KRT40: variants seen among roughly 807,000 people sequenced by gnomAD.
The protein encoded by KRT40 is keratin, type I cytoskeletal 40.
KRT40 carries 47 observed loss-of-function variants against 43.5 expected under a neutral mutation model. The observed-to-expected ratio is 1.08, with a 90% confidence interval of 0.86 to 1.38. The LOEUF (loss-of-function observed/expected upper bound fraction) is 1.38. KRT40 is among the 40% of genes most tolerant of loss of function. The probability of loss-of-function intolerance (pLI) is 0.00; values close to 1 mark genes in which losing one functional copy is unlikely to be tolerated. For synonymous variants in KRT40, 212 were observed against 214.0 expected (o/e 0.99, Z 0.08); for missense variants, 573 against 523.6 (o/e 1.09, Z -0.92).
upstream of KRT40, among the ~76,000 whole-genome samples, chr17:40,984,650 G>A (rs1308900753): frequency 2.0e-5 from 3 of 152,250 alleles, no homozygotes; most frequent in African/African-American, 7.2e-5. Context: ...TTACAAATCA[G>A]GAAAATAATA....
chr17:40,980,699 T>C, intron 5 of KRT40, 86 bp downstream of exon 5: 1 of 1,479,382 alleles, frequency 6.8e-7, no homozygotes, highest in Non-Finnish European at 9.0e-7. Flanking sequence ...GGCAAGGAAA[T>C]GTGATCCTCG....
chr17:40,983,068 C>T lies in KRT40; in HGVS notation c.508G>A (p.Ala170Thr). 1 of 1,448,038 alleles carries T rather than the reference C, an allele frequency of 6.9e-7. No homozygotes were observed. The allele number at this position is 1,448,038 out of a possible 1,614,324, so 89.7% of individuals were successfully genotyped here. ...TACTTTGACTTAAAGTCATCAGTGG[C>T]CAGTTTGCAGTTGTCAAGCTGTACA... ...LAVQLDNCKLATDDFKSKYES... is the reference protein window; with the variant it reads ...LAVQLDNCKLTTDDFKSKYES... Residue 170 changes from alanine (A) to threonine (T), a missense_variant, in exon 2 of 7, where the codon GCC becomes ACC. Ala to Thr is a moderately conservative substitution (Grantham distance 58, BLOSUM62 0). Transcript: ENST00000377755.
chr17:40,980,683 G>T, intron 5 of KRT40, 102 bp downstream of exon 5: 4 of 1,442,838 alleles, frequency 2.8e-6, no homozygotes. Context: ...GGCAGTACTC[G>T]GGAAAGGCAA....
At chr17:40,981,428 A>C in intron 3 of KRT40, 1 of 621,910 alleles carries the variant, frequency 1.6e-6, no homozygotes, top group Non-Finnish European at 2.9e-6. Flanking sequence ...ATTATGACAC[A>C]TAGTAAGGTG....
chr17:40,982,906 G>T (rs1912260575), intron 2 of KRT40, 140 bp downstream of exon 2: 3 of 493,468 alleles, frequency 6.1e-6, no homozygotes, highest in Non-Finnish European at 1.1e-5. Flanking sequence ...TACTCAGGAG[G>T]CTGAGGCAGG....
In KRT40 at chr17:40,983,884, T is replaced by C. The variant is rs1382566315; in HGVS notation, c.390A>G (p.Pro130=). 1.2e-6 allele frequency: 2 copies of C among 1,614,118 alleles called. No individual in the cohort carries two copies. Among genetic ancestry groups the C allele is most frequent in the Admixed American group, 1.7e-5 (1 of 60,018 alleles). ...RIQEQCEQDI[P]MVCPDYQRYF... ...AACGCTGATAATCCGGGCACACCATTGGGATATCCTGTTCACATTGTTCTT... is the reference window on the plus strand; with the variant it reads ...AACGCTGATAATCCGGGCACACCATCGGGATATCCTGTTCACATTGTTCTT... Residue 130 remains proline, a synonymous_variant, in exon 1 of 7, where the codon CCA becomes CCG. Transcript: ENST00000377755.
At chr17:40,983,551 G>A (rs186076223) in intron 1 of KRT40, among the ~76,000 whole-genome samples, 146 of 152,250 alleles carry the variant, frequency 9.6e-4, no homozygotes, top group African/African-American at 3.1e-3. Flanking sequence ...GTACAAAAGC[G>A]ATTTTGGATA....
At position 40,983,827 on chromosome 17, in the gene KRT40, C is replaced by A. The variant is rs764000688; in HGVS notation, c.447G>T (p.Lys149Asn). The change falls in exon 1 of 7, where the codon AAG (lysine) becomes AAT (asparagine). Residue 149 changes from lysine (K) to asparagine (N), a missense_variant and splice_region_variant. Coordinates refer to ENST00000377755, the MANE Select transcript of KRT40 (RefSeq NM_001389244.1). ...AGCACTAGGGCAACAGGACACAGAC[C>A]TTTTGTTGGAGATCTTCAATGGTGT... ...YFNTIEDLQQKILCTKAENSR... is the reference protein window; with the variant it reads ...YFNTIEDLQQNILCTKAENSR... The A allele has an allele frequency of 1.2e-6, 2 of 1,612,730 alleles. No homozygotes were observed. The highest frequency in any genetic ancestry group is 1.7e-6 in the Non-Finnish European group (2 of 1,178,868).
At position 40,978,092 on chromosome 17, in the gene KRT40, G is replaced by C; in HGVS notation, c.*105C>G. 1 of 790,348 alleles carries C rather than the reference G, an allele frequency of 1.3e-6. No homozygotes were observed. Among genetic ancestry groups the C allele is most frequent in the Non-Finnish European group, 2.2e-6 (1 of 460,200 alleles). 49.0% of individuals were successfully genotyped at this position (790,348 alleles called of 1,614,324 possible). A position where few individuals can be genotyped will look rare whatever the true frequency, so the allele number is the denominator to read the frequency against. ...CCTGGAGGGCAATTCCAGGATATGA[G>C]AGCCTCCTGGATTTGTGCTTCCGGT... On this transcript the variant is annotated 3_prime_UTR_variant, in exon 7 of 7. Transcript: ENST00000377755.
chr17:40,978,730 T>G, intron 6 of KRT40, 74 bp downstream of exon 6: 1 of 1,353,062 alleles, frequency 7.4e-7, no homozygotes, highest in Non-Finnish European at 1.0e-6. Context: ...TGTCCAGACT[T>G]TGGGGAAACA....
At position 40,980,927 on chromosome 17, in the gene KRT40, AT is replaced by A. The variant is rs1567854059; in HGVS notation, c.850-18del. The A allele has an allele frequency of 6.2e-7, 1 of 1,614,190 alleles. No homozygotes were observed. The highest frequency in any genetic ancestry group is 1.7e-5 in the Admixed American group (1 of 60,022). On this transcript the variant is annotated intron_variant, in intron 4 of 6. Coordinates refer to ENST00000377755, the MANE Select transcript of KRT40 (RefSeq NM_001389244.1). ...CTCTTCTGTCTGAAACACAGACACC[AT>A]TAGAGAATTCAAAAAAGGCAGAAGT...
upstream of KRT40, among the ~76,000 whole-genome samples, chr17:40,986,108 G>A (rs1912455950): frequency 6.6e-6 from 1 of 152,196 alleles, no homozygotes; most frequent in East Asian, 1.9e-4. Flanking sequence ...AAATCACCCA[G>A]AATTCATTTC....
chr17:40,981,087 G>T lies in KRT40; in HGVS notation c.752C>A (p.Thr251Asn). The stretch of plus-strand genomic sequence containing the variant: ...ATCCAGGACCCTGTTGAGGTCAAGG[G>T]TGGGGGCAGTGTCCAGCTCCACACT... ...RLSVELDTAP[T>N]LDLNRVLDEM... The change falls in exon 4 of 7, where the codon ACC becomes AAC. Residue 251 changes from threonine (T) to asparagine (N), a missense_variant. Thr to Asn is a moderately conservative substitution (Grantham distance 65). Transcript: ENST00000377755. The T allele has an allele frequency of 1.9e-6, 3 of 1,614,252 alleles. No individual in the cohort carries two copies. The South Asian group carries it at 3.3e-5, about 18-fold the overall frequency.
Position 40,978,224 on chromosome 17 carries a change from G to T in KRT40, c.1269C>A (p.Ile423=). The change falls in exon 7 of 7, where the codon ATC becomes ATA. Residue 423 remains isoleucine, a synonymous_variant. Coordinates refer to ENST00000377755, the MANE Select transcript of KRT40 (RefSeq NM_001389244.1). ...NTCEPCSAYV[I]CTVENCCL is the part of the protein sequence containing the mutation. ...ACAAGCAGCAGTTTTCAACAGTGCA[G>T]ATGACATAGGCTGAGCATGGCTCAC... 6.2e-7 allele frequency: 1 copy of T among 1,613,974 alleles called. No homozygotes were observed. Among genetic ancestry groups the T allele is most frequent in the Non-Finnish European group, 8.5e-7 (1 of 1,179,850 alleles).
chr17:40,979,572 G>A (rs182900083), intron 5 of KRT40, among the ~76,000 whole-genome samples: 5 of 151,658 alleles, frequency 3.3e-5, no homozygotes, highest in East Asian at 3.9e-4. Context: ...ACTGTTCTAC[G>A]TGTCAACTAT....
In KRT40 at chr17:40,983,856, A is replaced by G. The variant is rs1435358176; in HGVS notation, c.418T>C (p.Phe140Leu). The part of the protein sequence containing the change: ...PMVCPDYQRY[F>L]NTIEDLQQKI... ...TGTTGGAGATCTTCAATGGTGTTGA[A>G]GTAACGCTGATAATCCGGGCACACC... The change falls in exon 1 of 7, where the codon TTC (phenylalanine) becomes CTC (leucine). Residue 140 changes from phenylalanine (F) to leucine (L), a missense_variant. Transcript: ENST00000377755. 1.2e-6 allele frequency: 2 copies of G among 1,614,046 alleles called. No homozygotes were observed. Among genetic ancestry groups the G allele is most frequent in the Non-Finnish European group, 1.7e-6 (2 of 1,180,022 alleles).
chr17:40,979,506 A>G (rs1912013989), intron 5 of KRT40, among the ~76,000 whole-genome samples: 2 of 151,948 alleles, frequency 1.3e-5, no homozygotes, highest in South Asian at 4.1e-4. Flanking sequence ...CGTCCAAAAA[A>G]AAAAAAAAAG....
At chr17:40,979,291 G>A (rs945602907) in intron 5 of KRT40, among the ~76,000 whole-genome samples, 1 of 152,060 alleles carries the variant, frequency 6.6e-6, no homozygotes. Context: ...CGAGGCGGGC[G>A]GATCACAAGG....
chr17:40,978,946 C>A lies in KRT40; in HGVS notation c.1054G>T (p.Asp352Tyr). The A allele has an allele frequency of 6.2e-7, 1 of 1,614,128 alleles. No homozygotes were observed. The highest frequency in any genetic ancestry group is 1.1e-5 in the South Asian group (1 of 91,084). ...SQLAQIQCLIDNLENQLAEIR... is the reference protein window; with the variant it reads ...SQLAQIQCLIYNLENQLAEIR... ...TCGGCCAGCTGGTTCTCCAGGTTAT[C>A]GATCAGACACTGAATTTGGGCCAGC... Residue 352 changes from aspartate to tyrosine, a missense_variant, in exon 6 of 7, where the codon GAT becomes TAT. Coordinates refer to ENST00000377755, the MANE Select transcript of KRT40 (RefSeq NM_001389244.1).
Sources: gnomAD v4.1 joint callset for allele counts (sites outside exome capture counted in the v4.1 genomes callset) on GRCh38, gnomAD v4.1.1 for gene constraint, MANE v1.5 for transcripts, NCBI Gene and HGNC (gene_info 2026-07-23, HGNC 2026-07-21) for gene names.